EAPP: variants seen among roughly 807,000 people sequenced by gnomAD.
EAPP encodes the protein E2F-associated phosphoprotein.
A neutral mutation model predicts 34.3 loss-of-function variants in EAPP; 38 were observed. That is an observed-to-expected ratio of 1.11 (90% CI 0.85 to 1.45). EAPP has a LOEUF of 1.45. Ranked by LOEUF, EAPP falls within the 40% of genes most tolerant of loss-of-function variation. The pLI, the probability that EAPP is intolerant of heterozygous loss-of-function variation, is 0.00. For missense variants in EAPP, 338 were observed against 343.7 expected, an observed-to-expected ratio of 0.98 and a Z score of 0.13; for synonymous variants, 113 against 117.6, an observed-to-expected ratio of 0.96 and a Z score of 0.25.
chr14:34,520,579 G>T (rs1288409587), intron 5 of EAPP, among the ~76,000 whole-genome samples: 1 of 152,058 alleles, frequency 6.6e-6, no homozygotes, highest in East Asian at 1.9e-4. Context: ...TCAGCTCACT[G>T]CAACCTGTGC....
chr14:34,516,375 C>T lies in EAPP; in HGVS notation c.793G>A (p.Glu265Lys). Residue 265 changes from glutamate (E) to lysine (K), a missense_variant, in exon 6 of 6, where the codon GAA becomes AAA. Physicochemically the swap from Glu to Lys is moderately conservative, Grantham distance 56 (BLOSUM62 1). Coordinates refer to ENST00000250454, the MANE Select transcript of EAPP (RefSeq NM_018453.4). ...HPVMCTECST[E>K]VAVYDKDEVF... ...TCATCCTTGTCGTAGACTGCCACTT[C>T]AGTGGAACATTCAGTGCACATGACT... The T allele has an allele frequency of 6.2e-7, 1 of 1,614,164 alleles. No individual in the cohort carries two copies. The highest frequency in any genetic ancestry group is 1.3e-5 in the African/African-American group (1 of 75,070).
chr14:34,524,682 T>TGTGTGA lies in EAPP; in HGVS notation c.581+14_581+15insTCACAC. The stretch of plus-strand genomic sequence containing the variant: ...ATGTGTGTGTGTGTGTGTGTGTGTG[T>TGTGTGA]CCTTCATCCATTACCTTTGGCAATC... On this transcript the variant is annotated intron_variant, in intron 5 of 5. Coordinates refer to ENST00000250454, the MANE Select transcript of EAPP (RefSeq NM_018453.4). 1.4e-6 allele frequency: 2 copies of TGTGTGA among 1,460,118 alleles called. No homozygotes were observed. The highest frequency in any genetic ancestry group is 1.9e-6 in the Non-Finnish European group (2 of 1,039,816). The allele number at this position is 1,460,118 out of a possible 1,614,324, so 90.4% of individuals were successfully genotyped here. A position where few individuals can be genotyped will look rare whatever the true frequency, so the allele number is the denominator to read the frequency against.
intron 1 of EAPP, among the ~76,000 whole-genome samples, chr14:34,536,630 GTTTT>G (rs918272109): frequency 4.0e-5 from 6 of 151,580 alleles, no homozygotes; most frequent in Admixed American, 4.0e-4. Flanking sequence ...ATTCCCAGCT[GTTTT>G]TTTGTTTTGT....
At chr14:34,523,805 C>T (rs1395242684) in intron 5 of EAPP, among the ~76,000 whole-genome samples, 1 of 152,116 alleles carries the variant, frequency 6.6e-6, no homozygotes, top group Non-Finnish European at 1.5e-5. Context: ...TCCCATAGCA[C>T]TGGGATTACA....
At chr14:34,539,290 G>A (rs1469618875) in intron 1 of EAPP, 2 of 658,944 alleles carry the variant, frequency 3.0e-6, no homozygotes, top group Admixed American at 4.1e-5. Flanking sequence ...GTAGAGACAG[G>A]TTTCGATCTC....
chr14:34,532,032 C>T (rs1412913800), intron 3 of EAPP, among the ~76,000 whole-genome samples: 7 of 149,164 alleles, frequency 4.7e-5, no homozygotes, highest in East Asian at 2.0e-4. Context: ...GCTGAGATTG[C>T]GCCACTGCAC....
chr14:34,536,414 T>G (rs1362377984), intron 1 of EAPP, 139 bp from the exon 2 acceptor site: 11 of 556,040 alleles, frequency 2.0e-5, no homozygotes, highest in Non-Finnish European at 1.8e-5. Context: ...CATATAGCTA[T>G]TCTCACTTAA....
chr14:34,526,180 C>T lies in EAPP; in HGVS notation c.471-1373G>A, dbSNP rs558116983. On this transcript the variant is annotated intron_variant, in intron 4 of 5. Coordinates refer to ENST00000250454, the MANE Select transcript of EAPP (RefSeq NM_018453.4). Reference sequence around the variant, plus strand: ...GCATGGTGGCTCACGCCTGTAATCCCAGCACTTTGGGAGGCTGAGGTGGGT... The same window carrying T: ...GCATGGTGGCTCACGCCTGTAATCCTAGCACTTTGGGAGGCTGAGGTGGGT... Among the ~76,000 whole-genome samples the T allele has an allele frequency of 3.9e-5, 6 of 152,178 alleles. No individual in the cohort carries two copies. The South Asian group carries it at 1.0e-3, about 26-fold the overall frequency.
chr14:34,519,058 G>C (rs1397361335), intron 5 of EAPP, among the ~76,000 whole-genome samples: 1 of 152,136 alleles, frequency 6.6e-6, no homozygotes, highest in African/African-American at 2.4e-5. Context: ...TCCAATGTTG[G>C]AGGTGGGACC....
intron 1 of EAPP, among the ~76,000 whole-genome samples, chr14:34,537,251 T>G (rs1162809890): frequency 6.6e-6 from 1 of 152,222 alleles, no homozygotes. Flanking sequence ...GCTCAAGTGA[T>G]TCTCCTGCCT....
At chr14:34,536,583 G>A (rs996296484) in intron 1 of EAPP, 10 of 190,230 alleles carry the variant, frequency 5.3e-5, no homozygotes, top group African/African-American at 2.4e-4. Context: ...TCCCACCTCG[G>A]GTTCCCCAGT....
chr14:34,533,796 A>C (rs1880374367), intron 2 of EAPP, among the ~76,000 whole-genome samples: 1 of 152,200 alleles, frequency 6.6e-6, no homozygotes, highest in African/African-American at 2.4e-5. Context: ...TAAATAAAAT[A>C]GCGATATTTT....
In EAPP at chr14:34,533,823, A is replaced by G. The variant is rs191309043; in HGVS notation, c.257-284T>C. Among the ~76,000 whole-genome samples the G allele has an allele frequency of 2.0e-5, 3 of 152,310 alleles. No homozygotes were observed. In the East Asian group the frequency reaches 5.8e-4, roughly 29 times the overall value. On this transcript the variant is annotated intron_variant, in intron 2 of 5. Transcript: ENST00000250454. ...CGATATTTTCAGGTTGCCAGCACAC[A>G]TATCTCTACCTTTCAGTCATACAGT...
chr14:34,522,634 CACT>C (rs1380957868), intron 5 of EAPP, among the ~76,000 whole-genome samples: 1 of 151,938 alleles, frequency 6.6e-6, no homozygotes, highest in East Asian at 1.9e-4. Flanking sequence ...CCTTTCTTCC[CACT>C]ACGTCATTGC....
chr14:34,529,929 C>G (rs996361349), intron 3 of EAPP, among the ~76,000 whole-genome samples: 6 of 152,112 alleles, frequency 3.9e-5, no homozygotes, highest in Non-Finnish European at 8.8e-5. Context: ...GGCAGAAAAA[C>G]TGCTTGAACC....
Position 34,539,679 on chromosome 14 carries a change from T to A in EAPP, c.-51A>T, listed in dbSNP as rs1274554546. The A allele has an allele frequency of 6.7e-7, 1 of 1,486,806 alleles. No individual in the cohort carries two copies. Among genetic ancestry groups the A allele is most frequent in the Middle Eastern group, 2.0e-4 (1 of 5,042 alleles). The allele number at this position is 1,486,806 out of a possible 1,614,324, so 92.1% of individuals were successfully genotyped here. On this transcript the variant is annotated 5_prime_UTR_variant, in exon 1 of 6. Transcript: ENST00000250454. ...CCACAAGCAATTTGCAGCGTCTCTG[T>A]TTACACTGCAAGTCCAGTCCCTAAA...
chr14:34,522,584 T>C (rs900512359), intron 5 of EAPP, among the ~76,000 whole-genome samples: 2 of 152,224 alleles, frequency 1.3e-5, no homozygotes, highest in African/African-American at 2.4e-5. Flanking sequence ...CTAGAGATTC[T>C]TTGTAATTTG....
At chr14:34,519,847 A>C (rs8016810) in intron 5 of EAPP, among the ~76,000 whole-genome samples, 5,658 of 70,274 alleles carry the variant, frequency 0.081, 120 homozygotes, top group Middle Eastern at 0.19. Flanking sequence ...TGAAATCACA[A>C]AAAAAAAACT....
chr14:34,532,129 G>A (rs1329538624), intron 3 of EAPP, among the ~76,000 whole-genome samples: 1 of 150,722 alleles, frequency 6.6e-6, no homozygotes, highest in African/African-American at 2.4e-5. Context: ...TTTGAACATA[G>A]AGGCTGATTA....
Sources: gnomAD v4.1 joint callset for allele counts (sites outside exome capture counted in the v4.1 genomes callset) on GRCh38, gnomAD v4.1.1 for gene constraint, MANE v1.5 for transcripts, NCBI Gene and HGNC (gene_info 2026-07-23, HGNC 2026-07-21) for gene names.